The following TXLNB variants were observed in gnomAD, a reference collection of about 807,000 sequenced individuals.
TXLNB encodes the protein taxilin beta, also known as beta-taxilin.
TXLNB carries 37 observed loss-of-function variants against 57.4 expected under a neutral mutation model. The ratio of observed to expected loss-of-function variants is 0.64; its 90% CI spans 0.50 to 0.85. TXLNB has a LOEUF of 0.85. Among genes scored for constraint, TXLNB ranks in the 40% least tolerant of loss-of-function variants. The pLI is 0.00. For missense variants in TXLNB, 848 were observed against 825.6 expected, an observed-to-expected ratio of 1.03 and a Z score of -0.33; for synonymous variants, 302 against 309.6, an observed-to-expected ratio of 0.98 and a Z score of 0.26.
chr6:139,284,666 A>C (rs1485194024), intron 2 of TXLNB, among the ~76,000 whole-genome samples: 1 of 146,332 alleles, frequency 6.8e-6, no homozygotes, highest in Non-Finnish European at 1.5e-5. Flanking sequence ...CAAAGAACTG[A>C]GAAACTAGAT....
chr6:139,322,718 G>A, the TXLNB span, among the ~76,000 whole-genome samples: 21 of 152,122 alleles, frequency 1.4e-4, no homozygotes, highest in Non-Finnish European at 2.8e-4. Context: ...CTGCCTTCCC[G>A]GCCACTCCCC....
chr6:139,201,143 C>T, the TXLNB span, among the ~76,000 whole-genome samples: 2 of 152,204 alleles, frequency 1.3e-5, no homozygotes, highest in South Asian at 4.1e-4. Flanking sequence ...CTTCTTGCCA[C>T]CAAATTACCA....
chr6:139,219,636 A>G, the TXLNB span, among the ~76,000 whole-genome samples: 1 of 152,136 alleles, frequency 6.6e-6, no homozygotes. Flanking sequence ...GCAGGTTAGG[A>G]GTCAGTTATC....
chr6:139,300,835 C>A, the TXLNB span, among the ~76,000 whole-genome samples: 1 of 152,168 alleles, frequency 6.6e-6, no homozygotes, highest in Non-Finnish European at 1.5e-5. Context: ...GCGGAGGTTG[C>A]AGTGAGCCGA....
Position 139,240,621 on chromosome 6 carries a change from A to G in TXLNB, c.*1905T>C, listed in dbSNP as rs1311734411. 1 of 152,672 alleles carries G rather than the reference A, an allele frequency of 6.5e-6. No individual in the cohort carries two copies. Among genetic ancestry groups the G allele is most frequent in the African/African-American group, 2.4e-5 (1 of 41,458 alleles). 9.5% of individuals were successfully genotyped at this position (152,672 alleles called of 1,614,324 possible). On this transcript the variant is annotated 3_prime_UTR_variant, in exon 10 of 10. Transcript: ENST00000358430. Reference sequence around the variant, plus strand: ...AATCAAATGAATGTTTAAATCTCTAAGACTTGCAGTAATGTTGAATTTGGC... The same window carrying G: ...AATCAAATGAATGTTTAAATCTCTAGGACTTGCAGTAATGTTGAATTTGGC...
At chr6:139,281,691 G>C (rs1777056168) in intron 2 of TXLNB, among the ~76,000 whole-genome samples, 4 of 110,176 alleles carry the variant, frequency 3.6e-5, no homozygotes. Context: ...TGGGACTACA[G>C]GCGCCCGCTA....
At chr6:139,294,332 T>G (rs1018172057), upstream of TXLNB, among the ~76,000 whole-genome samples, 2 of 152,180 alleles carry the variant, frequency 1.3e-5, no homozygotes, top group African/African-American at 4.8e-5. Context: ...ATTCAAATTA[T>G]TACATAGTTT....
chr6:139,294,773 T>G (rs1039655621), upstream of TXLNB, among the ~76,000 whole-genome samples: 2 of 152,112 alleles, frequency 1.3e-5, no homozygotes, highest in Non-Finnish European at 2.9e-5. Context: ...GTGGATCACT[T>G]GAGGTCAGGA....
chr6:139,238,103 C>T (rs1393357853), downstream of TXLNB, among the ~76,000 whole-genome samples: 1 of 152,100 alleles, frequency 6.6e-6, no homozygotes. Context: ...TTTGAAAATA[C>T]TGGTGTAAGC....
At chr6:139,196,378 T>G in the TXLNB span, among the ~76,000 whole-genome samples, 3 of 140,616 alleles carry the variant, frequency 2.1e-5, no homozygotes, top group Non-Finnish European at 1.5e-5. Flanking sequence ...TTTTTTTTTT[T>G]TTTTTTTTTT....
the TXLNB span, among the ~76,000 whole-genome samples, chr6:139,182,096 T>C: frequency 2.0e-5 from 3 of 152,248 alleles, no homozygotes; most frequent in African/African-American, 7.2e-5. Flanking sequence ...GAATAGTTTA[T>C]CCTTAAATCT....
the TXLNB span, among the ~76,000 whole-genome samples, chr6:139,297,765 T>C: frequency 2.0e-5 from 3 of 152,224 alleles, no homozygotes; most frequent in Admixed American, 1.3e-4. Context: ...AAATAAAGCC[T>C]GTGAATGGGA....
the TXLNB span, among the ~76,000 whole-genome samples, chr6:139,321,922 G>A: frequency 6.6e-6 from 1 of 151,340 alleles, no homozygotes; most frequent in Non-Finnish European, 1.5e-5. Flanking sequence ...ATGAGCCACT[G>A]CGCCCAGCCT....
chr6:139,307,381 G>C, the TXLNB span, among the ~76,000 whole-genome samples: 1 of 152,078 alleles, frequency 6.6e-6, no homozygotes, highest in African/African-American at 2.4e-5. Flanking sequence ...TAGGAACAAG[G>C]TCTTGCTATG....
chr6:139,293,028 G>T (rs1250206888), upstream of TXLNB, among the ~76,000 whole-genome samples: 1 of 152,194 alleles, frequency 6.6e-6, no homozygotes, highest in Non-Finnish European at 1.5e-5. Flanking sequence ...CTTTGCAGAT[G>T]TGAGGAAGGA....
the TXLNB span, chr6:139,203,433 T>C: frequency 1.3e-5 from 2 of 152,340 alleles, no homozygotes; most frequent in African/African-American, 2.4e-5. Flanking sequence ...TGTCCCATAA[T>C]TGCTAAATAC....
the TXLNB span, among the ~76,000 whole-genome samples, chr6:139,187,798 GA>G: frequency 6.6e-6 from 1 of 152,168 alleles, no homozygotes; most frequent in Non-Finnish European, 1.5e-5. Flanking sequence ...AGGAAAGGTT[GA>G]TTGAGAGAAG....
At chr6:139,218,013 A>T in the TXLNB span, among the ~76,000 whole-genome samples, 3 of 152,064 alleles carry the variant, frequency 2.0e-5, no homozygotes, top group Non-Finnish European at 2.9e-5. Flanking sequence ...CTCCTTTTAG[A>T]GGAGGAGTCA....
Position 139,243,042 on chromosome 6 carries a change from T to C in TXLNB, c.1539A>G (p.Pro513=), listed in dbSNP as rs2114420292. 6.2e-7 allele frequency: 1 copy of C among 1,614,176 alleles called. No individual in the cohort carries two copies. The highest frequency in any genetic ancestry group is 8.5e-7 in the Non-Finnish European group (1 of 1,180,020). ...LATAFMIIHH[P]ESTPHQSKET... ...CTTTGGACTGGTGCGGGGTTGACTC[T>C]GGATGATGAATTATCATGAAGGCTG... The change falls in exon 10 of 10, where the codon CCA becomes CCG. Residue 513 remains proline, a synonymous_variant. Transcript: ENST00000358430.
Sources: gnomAD v4.1 joint callset for allele counts (sites outside exome capture counted in the v4.1 genomes callset) on GRCh38, gnomAD v4.1.1 for gene constraint, MANE v1.5 for transcripts, NCBI Gene and HGNC (gene_info 2026-07-23, HGNC 2026-07-21) for gene names.